The following GOLM2 variants were observed in gnomAD, a reference collection of about 807,000 sequenced individuals.
GOLM2 encodes golgi membrane protein 2, also known as protein GOLM2.
A neutral mutation model predicts 55.9 loss-of-function variants in GOLM2; 26 were observed. That is an observed-to-expected ratio of 0.47 (90% CI 0.34 to 0.65). GOLM2 has a LOEUF of 0.65. Among genes scored for constraint, GOLM2 ranks in the 30% least tolerant of loss-of-function variants. The pLI is 0.01. For synonymous variants in GOLM2, 165 were observed against 194.6 expected (o/e 0.85, Z 1.27); for missense variants, 486 against 531.8 (o/e 0.91, Z 0.85).
chr15:44,366,296 C>CAAAAAAAAAAAAAA (rs34413737), intron 6 of GOLM2, among the ~76,000 whole-genome samples: 1 of 55,510 alleles, frequency 1.8e-5, no homozygotes, highest in African/African-American at 6.8e-5. Context: ...GACTCCGTCT[C>CAAAAAAAAAAAAAA]AAAAAAAAAA....
intron 6 of GOLM2, among the ~76,000 whole-genome samples, chr15:44,340,699 T>G (rs1371222627): frequency 1.1e-4 from 17 of 152,234 alleles, no homozygotes; most frequent in Admixed American, 1.0e-3. Context: ...CAATTTGTTT[T>G]AAAAAGCTCT....
At chr15:44,297,552 A>AT (rs11401275) in intron 1 of GOLM2, among the ~76,000 whole-genome samples, 4,895 of 145,300 alleles carry the variant, frequency 0.034, 278 homozygotes, top group African/African-American at 0.12. Context: ...TATTATACCA[A>AT]TTTTTTTTTG....
Position 44,332,052 on chromosome 15 carries a change from GC to G in GOLM2, c.551del (p.Ala184GlufsTer5). ...GCATGAAGAAAATATTAAAAAGTTA[GC>G]AGACCAGTTTTTAGAGGAACAAAAG... ...AQHEENIKKL[A>X]DQFLEEQKQE... is the part of the protein sequence containing the mutation. On this transcript the variant is annotated frameshift_variant, in exon 4 of 10. Coordinates refer to ENST00000299957, the MANE Select transcript of GOLM2 (RefSeq NM_138423.4). LOFTEE classifies it high-confidence loss of function. The G allele has an allele frequency of 6.3e-7, 1 of 1,596,876 alleles. No homozygotes were observed. Among genetic ancestry groups the G allele is most frequent in the Non-Finnish European group, 8.5e-7 (1 of 1,170,232 alleles).
chr15:44,300,650 AG>A (rs2141109742), intron 1 of GOLM2, among the ~76,000 whole-genome samples: 1 of 152,358 alleles, frequency 6.6e-6, no homozygotes, highest in Admixed American at 6.5e-5. Flanking sequence ...CTGAAGTGAC[AG>A]GGAGTACCTT....
At chr15:44,320,065 A>T (rs958253518) in intron 1 of GOLM2, among the ~76,000 whole-genome samples, 3 of 152,184 alleles carry the variant, frequency 2.0e-5, no homozygotes, top group African/African-American at 7.2e-5. Flanking sequence ...TGCTCAACAA[A>T]AAGTCACTCC....
chr15:44,359,856 G>A (rs989193274), intron 6 of GOLM2, among the ~76,000 whole-genome samples: 2 of 152,172 alleles, frequency 1.3e-5, no homozygotes, highest in African/African-American at 2.4e-5. Context: ...CGGATCTCTC[G>A]GGAGAAACTC....
At chr15:44,337,469 C>T (rs1567029042) in intron 4 of GOLM2, among the ~76,000 whole-genome samples, 1 of 152,042 alleles carries the variant, frequency 6.6e-6, no homozygotes, top group African/African-American at 2.4e-5. Flanking sequence ...CTAGAGTATT[C>T]AGCAGGCTGT....
chr15:44,321,358 G>A (rs1382521579), intron 1 of GOLM2, among the ~76,000 whole-genome samples: 1 of 151,488 alleles, frequency 6.6e-6, no homozygotes, highest in African/African-American at 2.4e-5. Flanking sequence ...TGTAGTCCCA[G>A]CTATCAGGAG....
At chr15:44,323,056 G>A (rs1319151907) in intron 2 of GOLM2, 37 bp downstream of exon 2, 3 of 1,340,498 alleles carry the variant, frequency 2.2e-6, no homozygotes, top group Non-Finnish European at 3.1e-6. Context: ...ATAAACCAAG[G>A]TCACTAAATG....
intron 4 of GOLM2, 141 bp from the exon 5 acceptor site, chr15:44,337,622 C>T (rs999816436): frequency 4.0e-5 from 23 of 576,116 alleles, no homozygotes; most frequent in Non-Finnish European, 6.5e-5. Flanking sequence ...AATAATGTAT[C>T]CTGCATCTCC....
chr15:44,387,794 TTG>T (rs929535233), intron 8 of GOLM2, among the ~76,000 whole-genome samples: 5 of 151,946 alleles, frequency 3.3e-5, no homozygotes, highest in African/African-American at 9.7e-5. Flanking sequence ...AGACTGATTT[TTG>T]TGTGTGTTGA....
intron 6 of GOLM2, among the ~76,000 whole-genome samples, chr15:44,349,902 G>A (rs1473371000): frequency 1.3e-5 from 2 of 152,114 alleles, no homozygotes; most frequent in African/African-American, 2.4e-5. Context: ...CTAGTGGGTC[G>A]ATGAAGAGAT....
Position 44,415,195 on chromosome 15 carries a change from A to G in GOLM2, c.*1789A>G, listed in dbSNP as rs777107488. The stretch of plus-strand genomic sequence containing the variant: ...TTTACTAAAATTGTTTTTCTACCAT[A>G]TCAAATTAAACAATTCATGCCTTTA... On this transcript the variant is annotated 3_prime_UTR_variant, in exon 10 of 10. Coordinates refer to ENST00000299957, the MANE Select transcript of GOLM2 (RefSeq NM_138423.4). 2.0e-5 allele frequency: 3 copies of G among 152,650 alleles called. No homozygotes were observed. Among genetic ancestry groups the G allele is most frequent in the Non-Finnish European group, 4.4e-5 (3 of 68,040 alleles). The allele number at this position is 152,650 out of a possible 1,614,324, so 9.5% of individuals were successfully genotyped here. A position where few individuals can be genotyped will look rare whatever the true frequency, so the allele number is the denominator to read the frequency against.
intron 3 of GOLM2, among the ~76,000 whole-genome samples, chr15:44,331,162 G>A (rs554410602): frequency 1.7e-4 from 26 of 152,030 alleles, no homozygotes; most frequent in Middle Eastern, 3.4e-3. Context: ...CCACAGGCAC[G>A]TACCACCATG....
rs911708590 is a variant in GOLM2, at chr15:44,332,936, A to AT, written c.576+867dup. ...TTACTAATTATTAAGGACATGATTC[A>AT]TTTTTTTTTGTGTGTGTGATGGAGT... On this transcript the variant is annotated intron_variant, in intron 4 of 9. Coordinates refer to ENST00000299957, the MANE Select transcript of GOLM2 (RefSeq NM_138423.4). 3.4e-4 allele frequency among the ~76,000 whole-genome samples: 51 copies of AT among 151,190 alleles called. 1 individual carries two copies. Among genetic ancestry groups the AT allele is most frequent in the South Asian group, 2.7e-3 (13 of 4,774 alleles).
intron 8 of GOLM2, among the ~76,000 whole-genome samples, chr15:44,387,100 A>G (rs894568752): frequency 6.6e-6 from 1 of 151,300 alleles, no homozygotes; most frequent in Admixed American, 6.6e-5. Flanking sequence ...ACTTGAGCCC[A>G]GGAGGCAGAG....
chr15:44,367,197 C>T (rs894252031), intron 6 of GOLM2, among the ~76,000 whole-genome samples: 58 of 147,708 alleles, frequency 3.9e-4, no homozygotes, highest in Middle Eastern at 7.1e-3. Context: ...GCCTGAAACA[C>T]TTACTGTCTG....
intron 2 of GOLM2, among the ~76,000 whole-genome samples, chr15:44,326,737 C>T (rs555556207): frequency 1.3e-4 from 20 of 150,388 alleles, no homozygotes; most frequent in African/African-American, 3.7e-4. Context: ...CTGTAACCTC[C>T]GCCACTCGGG....
intron 6 of GOLM2, among the ~76,000 whole-genome samples, chr15:44,353,432 A>AAT (rs1204784202): frequency 5.9e-5 from 9 of 152,116 alleles, no homozygotes; most frequent in Admixed American, 5.2e-4. Context: ...TATGCAGAAA[A>AAT]ATATATATAT....
Sources: gnomAD v4.1 joint callset for allele counts (sites outside exome capture counted in the v4.1 genomes callset) on GRCh38, gnomAD v4.1.1 for gene constraint, MANE v1.5 for transcripts, NCBI Gene and HGNC (gene_info 2026-07-23, HGNC 2026-07-21) for gene names.